Variants in GOLGA8K observed in about 807,000 individuals in gnomAD.
GOLGA8K encodes golgin A8 family member K, also known as golgin subfamily A member 8K.
In GOLGA8K, 12 loss-of-function variants were observed where a neutral mutation model predicts 75.2. The ratio of observed to expected loss-of-function variants is 0.16; its 90% CI spans 0.10 to 0.26. The LOEUF is 0.26. GOLGA8K is among the 10% of genes least tolerant of loss of function. GOLGA8K has a pLI of 1.00. For missense variants in GOLGA8K, 109 were observed against 640.8 expected (o/e 0.17, Z 8.96); for synonymous variants, 48 against 236.6 (o/e 0.20, Z 7.32).
Position 32,393,459 on chromosome 15 carries a change from G to C in GOLGA8K, c.1463+14C>G, listed in dbSNP as rs567778867. 8.9e-4 allele frequency: 979 copies of C among 1,103,074 alleles called. 286 individuals carry two copies. In the South Asian group the frequency reaches 0.013, roughly 14 times the overall value. 68.3% of individuals were successfully genotyped at this position (1,103,074 alleles called of 1,614,324 possible). A position where few individuals can be genotyped will look rare whatever the true frequency, so the allele number is the denominator to read the frequency against. ...CCTGTAGCTCCCCCTGCTGTGCCCT[G>C]GCCTCCCACTCACTGATGGCGTCTG... On this transcript the variant is annotated intron_variant, in intron 16 of 18. Coordinates refer to ENST00000512626, the MANE Select transcript of GOLGA8K (RefSeq NM_001282493.2).
At chr15:32,395,489 C>T (rs1317876068) in intron 13 of GOLGA8K, among the ~76,000 whole-genome samples, 94 of 143,550 alleles carry the variant, frequency 6.5e-4, no homozygotes, top group African/African-American at 2.2e-3. Flanking sequence ...AAGCAATTCT[C>T]GTGCCTCAGC....
At chr15:32,398,529 C>G (rs2054661748) in intron 8 of GOLGA8K, 31 bp downstream of exon 8, 1 of 570,792 alleles carries the variant, frequency 1.8e-6, no homozygotes, top group Admixed American at 3.2e-5. Flanking sequence ...AAGCCAGGCT[C>G]CCAGGGGATG....
At chr15:32,394,435 G>A in intron 14 of GOLGA8K, 2 of 625,242 alleles carry the variant, frequency 3.2e-6, no homozygotes, top group South Asian at 3.8e-5. Flanking sequence ...CGATGTGGGA[G>A]TTCTGACCTG....
intron 1 of GOLGA8K, among the ~76,000 whole-genome samples, chr15:32,401,679 A>C (rs201572298): frequency 0.16 from 8,781 of 53,920 alleles, 103 homozygotes; most frequent in East Asian, 0.35. Context: ...GCAATACTGG[A>C]ACTTTGAAAC....
Position 32,389,918 on chromosome 15 carries a change from T to A in GOLGA8K, c.*2864A>T, listed in dbSNP as rs112529172. 9.7e-6 allele frequency among the ~76,000 whole-genome samples: 1 copy of A among 103,370 alleles called. No homozygotes were observed. Among genetic ancestry groups the A allele is most frequent in the Non-Finnish European group, 2.1e-5 (1 of 48,210 alleles). 67.8% of individuals were successfully genotyped at this position (103,370 alleles called of 152,430 possible). A position where few individuals can be genotyped will look rare whatever the true frequency, so the allele number is the denominator to read the frequency against. On this transcript the variant is annotated 3_prime_UTR_variant, in exon 19 of 19. Transcript: ENST00000512626. Reference sequence around the variant, plus strand: ...TTATTTTAAAATGACTAAGATAAAGTTTTAGAGAAACTATATTATGGATAG... The same window carrying A: ...TTATTTTAAAATGACTAAGATAAAGATTTAGAGAAACTATATTATGGATAG...
At position 32,395,641 on chromosome 15, in the gene GOLGA8K, T is replaced by C. The variant is rs1295788440; in HGVS notation, c.1200+322A>G. Among the ~76,000 whole-genome samples the C allele has an allele frequency of 2.7e-5, 4 of 145,726 alleles. No individual in the cohort carries two copies. In the East Asian group the frequency reaches 8.5e-4, roughly 31 times the overall value. On this transcript the variant is annotated intron_variant, in intron 13 of 18. Transcript: ENST00000512626. ...CCCGACCTCAAGTGATTCTCCTGCC[T>C]CAGCCTCCCAAAGTGCTGGGATTAT...
rs1228230243 is a variant in GOLGA8K, at chr15:32,394,756, A to C, written c.1201-16T>G. ...CCAGGTGCTCCTGAGGGGCCAGGACAGAGTGAGAAGGGGTGGAGTTTGCCA... is the reference window on the plus strand; with the variant it reads ...CCAGGTGCTCCTGAGGGGCCAGGACCGAGTGAGAAGGGGTGGAGTTTGCCA... On this transcript the variant is annotated splice_polypyrimidine_tract_variant and intron_variant, in intron 13 of 18. Coordinates refer to ENST00000512626, the MANE Select transcript of GOLGA8K (RefSeq NM_001282493.2). The C allele has an allele frequency of 9.7e-5, 148 of 1,530,302 alleles. 24 individuals are homozygous for C. The highest frequency in any genetic ancestry group is 1.3e-4 in the Non-Finnish European group (145 of 1,132,498). The allele number at this position is 1,530,302 out of a possible 1,614,324, so 94.8% of individuals were successfully genotyped here.
chr15:32,398,389 C>T (rs1162157656), intron 8 of GOLGA8K, among the ~76,000 whole-genome samples, 171 bp downstream of exon 8: 1 of 144,658 alleles, frequency 6.9e-6, no homozygotes, highest in Non-Finnish European at 1.5e-5. Context: ...AACTCACCCA[C>T]AGCAGCTGAC....
intron 13 of GOLGA8K, among the ~76,000 whole-genome samples, chr15:32,395,577 G>A (rs1484622877): frequency 1.1e-4 from 16 of 146,862 alleles, no homozygotes; most frequent in Admixed American, 7.6e-4. Context: ...TTTTAGTAGA[G>A]ATGAGGTTTT....
intron 8 of GOLGA8K, 112 bp from the exon 9 acceptor site, chr15:32,397,615 A>T: frequency 7.2e-7 from 1 of 1,379,662 alleles, no homozygotes; most frequent in Non-Finnish European, 1.0e-6. Flanking sequence ...AGTAAAGATC[A>T]AGGCATTTCC....
At chr15:32,394,898 C>T (rs1273443401) in intron 13 of GOLGA8K, among the ~76,000 whole-genome samples, 158 bp from the exon 14 acceptor site, 1 of 144,818 alleles carries the variant, frequency 6.9e-6, no homozygotes, top group Non-Finnish European at 1.5e-5. Context: ...GCAGCTGGTT[C>T]ATTAGCTGGG....
rs867780287 is a variant in GOLGA8K at position 32,389,962 on chromosome 15, A to C, written c.*2820T>G. Among the ~76,000 whole-genome samples the C allele has an allele frequency of 1.5e-3, 142 of 96,710 alleles. 1 individual carries two copies. Among genetic ancestry groups the C allele is most frequent in the African/African-American group, 4.5e-3 (136 of 30,318 alleles). The allele number at this position is 96,710 out of a possible 152,430, so 63.4% of individuals were successfully genotyped here. A position where few individuals can be genotyped will look rare whatever the true frequency, so the allele number is the denominator to read the frequency against. The stretch of plus-strand genomic sequence containing the variant: ...TGGATAGGGCTGATTTACATTTTCA[A>C]ATTTTCTAAAATCAGCTTTGGTTTT... On this transcript the variant is annotated 3_prime_UTR_variant, in exon 19 of 19. Transcript: ENST00000512626.
In GOLGA8K at chr15:32,394,972, C is replaced by G. The variant is rs747100320; in HGVS notation, c.1201-232G>C. 3.3e-5 allele frequency among the ~76,000 whole-genome samples: 5 copies of G among 149,950 alleles called. 1 individual carries two copies. The highest frequency in any genetic ancestry group is 2.0e-4 in the East Asian group (1 of 5,032). On this transcript the variant is annotated intron_variant, in intron 13 of 18. Coordinates refer to ENST00000512626, the MANE Select transcript of GOLGA8K (RefSeq NM_001282493.2). ...CAGGTCAGCTGCTGATAGGTGGCCACGTACTGCTGCAGGTGACCCAGGTAA... is the reference window on the plus strand; with the variant it reads ...CAGGTCAGCTGCTGATAGGTGGCCAGGTACTGCTGCAGGTGACCCAGGTAA...
chr15:32,394,294 C>G, intron 14 of GOLGA8K, 61 bp from the exon 15 acceptor site: 1 of 662,122 alleles, frequency 1.5e-6, no homozygotes, highest in South Asian at 1.7e-5. Flanking sequence ...TGTGGGCCCA[C>G]CTCTACCTCC....
Position 32,397,287 on chromosome 15 carries a change from G to C in GOLGA8K, c.702C>G (p.Val234=), listed in dbSNP as rs1387451740. 1 of 1,576,042 alleles carries C rather than the reference G, an allele frequency of 6.3e-7. No individual in the cohort carries two copies. The highest frequency in any genetic ancestry group is 1.4e-5 in the African/African-American group (1 of 69,340). Residue 234 remains valine, a synonymous_variant, in exon 10 of 19, where the codon GTC becomes GTG. Coordinates refer to ENST00000512626, the MANE Select transcript of GOLGA8K (RefSeq NM_001282493.2). ...CAGAATACTCATCTCTTTCTAATTG[G>C]ACTTGTTGAAAAGACTCCTTCAACT... ...LTQLKESFQQ[V]QLERDEYSEH...
rs199531731 is a variant in GOLGA8K at position 32,394,164 on chromosome 15, A to G, written c.1346T>C (p.Leu449Pro). ...GCTCACCATGGCCTCCCTGCTCTCCAGGTCCTCTGGGACACTCGGCATGGG... is the reference window on the plus strand; with the variant it reads ...GCTCACCATGGCCTCCCTGCTCTCCGGGTCCTCTGGGACACTCGGCATGGG... ...PQPMPSVPED[L>P]ESREAMSSFM... The change falls in exon 15 of 19, where the codon CTG becomes CCG. Residue 449 changes from leucine to proline, a missense_variant. Transcript: ENST00000512626. The G allele has an allele frequency of 0.14, 135,652 of 958,048 alleles. 30,496 individuals carry two copies. The highest frequency in any genetic ancestry group is 0.31 in the East Asian group (7,801 of 25,086). The allele number at this position is 958,048 out of a possible 1,614,324, so 59.3% of individuals were successfully genotyped here.
chr15:32,395,034 C>A (rs1444066803), intron 13 of GOLGA8K, among the ~76,000 whole-genome samples: 12 of 149,276 alleles, frequency 8.0e-5, no homozygotes, highest in African/African-American at 2.9e-4. Context: ...AGCCTCTTGG[C>A]TCTTCAGCTC....
Position 32,397,494 on chromosome 15 carries a change from G to A in GOLGA8K, c.601C>T (p.Arg201Cys), listed in dbSNP as rs757704442. The change falls in exon 9 of 19, where the codon CGC (arginine) becomes TGC (cysteine). Residue 201 changes from arginine to cysteine, a missense_variant. Coordinates refer to ENST00000512626, the MANE Select transcript of GOLGA8K (RefSeq NM_001282493.2). ...QKKKANQLSS[R>C]SKARTEWKLE... is the part of the protein sequence containing the mutation. ...TTCCACTCCGTACGTGCTTTGCTGC[G>A]GCTGGACAACTGGATGGTGAAGAGT... 1.1e-4 allele frequency: 164 copies of A among 1,485,294 alleles called. 6 individuals are homozygous for A. The Middle Eastern group carries it at 1.1e-3, about 10-fold the overall frequency. 92.0% of individuals were successfully genotyped at this position (1,485,294 alleles called of 1,614,324 possible). A position where few individuals can be genotyped will look rare whatever the true frequency, so the allele number is the denominator to read the frequency against.
chr15:32,395,603 C>T lies in GOLGA8K; in HGVS notation c.1200+360G>A, dbSNP rs1201511369. ...ATGAGGTTTTACCACATTGGCCAGG[C>T]TGATCCCAAACTCCCGACCTCAAGT... On this transcript the variant is annotated intron_variant, in intron 13 of 18. Coordinates refer to ENST00000512626, the MANE Select transcript of GOLGA8K (RefSeq NM_001282493.2). Among the ~76,000 whole-genome samples, 1,064 of 145,832 alleles carry T rather than the reference C, an allele frequency of 7.3e-3. 5 individuals carry two copies. Among genetic ancestry groups the T allele is most frequent in the Middle Eastern group, 0.033 (9 of 274 alleles).
Sources: gnomAD v4.1 joint callset for allele counts (sites outside exome capture counted in the v4.1 genomes callset) on GRCh38, gnomAD v4.1.1 for gene constraint, MANE v1.5 for transcripts, NCBI Gene and HGNC (gene_info 2026-07-23, HGNC 2026-07-21) for gene names.